Variants in DOCK5 observed in about 807,000 individuals in gnomAD.
DOCK5 encodes the protein dedicator of cytokinesis protein 5.
A neutral mutation model predicts 251.8 loss-of-function variants in DOCK5; 142 were observed. That is an observed-to-expected ratio of 0.56 (90% CI 0.49 to 0.65). DOCK5 has a LOEUF of 0.65. DOCK5 is among the 30% of genes least tolerant of loss of function. The probability of loss-of-function intolerance (pLI) is 0.00; values close to 1 mark genes in which losing one functional copy is unlikely to be tolerated. For synonymous variants in DOCK5, 842 were observed against 835.5 expected, an observed-to-expected ratio of 1.01 and a Z score of -0.13; for missense variants, 2,111 against 2,312.3, an observed-to-expected ratio of 0.91 and a Z score of 1.79.
At chr8:25,198,397 C>G (rs986475357) in intron 1 of DOCK5, among the ~76,000 whole-genome samples, 14 of 152,022 alleles carry the variant, frequency 9.2e-5, no homozygotes, top group Non-Finnish European at 8.8e-5. Flanking sequence ...CATGGTGAAA[C>G]CCCATCTCGA....
chr8:25,186,132 G>C (rs1801425407), intron 1 of DOCK5, among the ~76,000 whole-genome samples: 1 of 152,090 alleles, frequency 6.6e-6, no homozygotes, highest in Admixed American at 6.5e-5. Flanking sequence ...CTGTAGCCAG[G>C]AGTCAGGGTT....
chr8:25,205,014 G>A (rs1042707004), intron 1 of DOCK5, among the ~76,000 whole-genome samples: 3 of 138,000 alleles, frequency 2.2e-5, no homozygotes, highest in Non-Finnish European at 4.8e-5. Context: ...CCCTCATGAG[G>A]GGATTAGTGC....
chr8:25,344,904 C>T (rs1800329992), intron 25 of DOCK5, among the ~76,000 whole-genome samples: 1 of 152,088 alleles, frequency 6.6e-6, no homozygotes, highest in South Asian at 2.1e-4. Context: ...ATTCAGAGTA[C>T]CTGAACTCAT....
rs185036758 is a variant in DOCK5, at chr8:25,382,671, C to T, written c.4027-3C>T. On this transcript the variant is annotated splice_polypyrimidine_tract_variant and splice_region_variant and intron_variant, in intron 39 of 51. Coordinates refer to ENST00000276440, the MANE Select transcript of DOCK5 (RefSeq NM_024940.8). Reference sequence around the variant, plus strand: ...CCTTGGAATGTCTTGTTTTGTTTTCCAGAAAAAAAGGGCCTCATTTTATGA... The same window carrying T: ...CCTTGGAATGTCTTGTTTTGTTTTCTAGAAAAAAAGGGCCTCATTTTATGA... 4,656 of 1,603,064 alleles carry T rather than the reference C, an allele frequency of 2.9e-3. 9 individuals carry two copies. The highest frequency in any genetic ancestry group is 3.7e-3 in the Non-Finnish European group (4,376 of 1,174,800).
At chr8:25,368,533 A>G in intron 32 of DOCK5, 38 bp from the exon 33 acceptor site, 1 of 1,563,578 alleles carries the variant, frequency 6.4e-7, no homozygotes, top group Non-Finnish European at 8.6e-7. Flanking sequence ...ACTTTCAGTG[A>G]AATAATTTTT....
chr8:25,294,214 T>C (rs1804562663), intron 6 of DOCK5, among the ~76,000 whole-genome samples: 1 of 152,156 alleles, frequency 6.6e-6, no homozygotes, highest in South Asian at 2.1e-4. Context: ...GGAGCTGCTG[T>C]GTCAGTGCCT....
At chr8:25,249,539 G>A (rs1371448037) in intron 2 of DOCK5, among the ~76,000 whole-genome samples, 2 of 152,144 alleles carry the variant, frequency 1.3e-5, no homozygotes, top group Non-Finnish European at 2.9e-5. Context: ...CATGTAAGTG[G>A]AATCACATAA....
At position 25,268,855 on chromosome 8, in the gene DOCK5, A is replaced by T. The variant is rs1254502514; in HGVS notation, c.138A>T (p.Arg46Ser). The T allele has an allele frequency of 1.3e-6, 2 of 1,566,548 alleles. No individual in the cohort carries two copies. Among genetic ancestry groups the T allele is most frequent in the African/African-American group, 2.7e-5 (2 of 73,010 alleles). Residue 46 changes from arginine to serine, a missense_variant, in exon 3 of 52, where the codon AGA (arginine) becomes AGT (serine). Around this residue, in one of 3 missense-constraint regions of DOCK5, gnomAD observed 335 missense variants for 324.9 expected, o/e 1.03. Coordinates refer to ENST00000276440, the MANE Select transcript of DOCK5 (RefSeq NM_024940.8). ...CTTTTGCTCTGACAGGTTGGTACAG[A>T]GGATATACCCTCCAAAATAAATCTA... ...HILEMYEGWY[R>S]GYTLQNKSKK...
chr8:25,276,508 C>T (rs905335805), intron 4 of DOCK5, among the ~76,000 whole-genome samples: 4 of 151,872 alleles, frequency 2.6e-5, no homozygotes, highest in Admixed American at 6.6e-5. Context: ...GGAGGCAGTA[C>T]GGAGAGGCTG....
At chr8:25,298,197 G>C (rs1191239657) in intron 7 of DOCK5, among the ~76,000 whole-genome samples, 2 of 151,230 alleles carry the variant, frequency 1.3e-5, no homozygotes. Context: ...TTGTTGGTTT[G>C]TAGTGTTTAC....
rs375420282 is a variant in DOCK5 at position 25,412,958 on chromosome 8, C to G, written c.*1660C>G. ...TGTGGAAAAGGTGATCCTTTACCCC[C>G]ACCCAGGAAAACCTGCATTGTGCTA... is the stretch of plus-strand genomic sequence containing the variant. On this transcript the variant is annotated 3_prime_UTR_variant, in exon 52 of 52. Transcript: ENST00000276440. 6.6e-6 allele frequency: 1 copy of G among 152,156 alleles called. No homozygotes were observed. Among genetic ancestry groups the G allele is most frequent in the Non-Finnish European group, 1.5e-5 (1 of 68,028 alleles). 9.4% of individuals were successfully genotyped at this position (152,156 alleles called of 1,614,324 possible).
intron 48 of DOCK5, among the ~76,000 whole-genome samples, chr8:25,407,157 G>A (rs1586402331): frequency 6.6e-6 from 1 of 151,916 alleles, no homozygotes; most frequent in South Asian, 2.1e-4. Flanking sequence ...AACATATTTG[G>A]ACATGTAGCT....
At position 25,194,849 on chromosome 8, in the gene DOCK5, A is replaced by G. The variant is rs552010166; in HGVS notation, c.43+9898A>G. Among the ~76,000 whole-genome samples, 6 of 152,288 alleles carry G rather than the reference A, an allele frequency of 3.9e-5. 1 individual carries two copies. Among genetic ancestry groups the G allele is most frequent in the Admixed American group, 3.9e-4 (6 of 15,298 alleles). On this transcript the variant is annotated intron_variant, in intron 1 of 51. Transcript: ENST00000276440. ...TGTCCTTCCTCCAAAATATGTCCTC[A>G]GATTACTGCTGCTGATGTTTCCATT...
chr8:25,390,844 C>T (rs1165958654), intron 42 of DOCK5, among the ~76,000 whole-genome samples: 2 of 151,702 alleles, frequency 1.3e-5, no homozygotes, highest in Non-Finnish European at 2.9e-5. Flanking sequence ...GAATCTTGCT[C>T]CGTCACCCAG....
chr8:25,197,137 A>G (rs886105817), intron 1 of DOCK5, among the ~76,000 whole-genome samples: 25 of 151,670 alleles, frequency 1.6e-4, no homozygotes, highest in Middle Eastern at 3.2e-3. Context: ...AAAGGACATA[A>G]TAAGCCCTTT....
Position 25,210,064 on chromosome 8 carries a change from G to T in DOCK5, c.43+25113G>T, listed in dbSNP as rs1216142447. 4.0e-4 allele frequency among the ~76,000 whole-genome samples: 10 copies of T among 25,046 alleles called. 3 individuals are homozygous for T. Among genetic ancestry groups the T allele is most frequent in the African/African-American group, 7.7e-4 (6 of 7,800 alleles). The allele number at this position is 25,046 out of a possible 152,430, so 16.4% of individuals were successfully genotyped here. The stretch of plus-strand genomic sequence containing the variant: ...TGTGTGTGTGTGTGTGTGTGTGTGT[G>T]TGTGTATCTGTCTATTTATCTATCT... On this transcript the variant is annotated intron_variant, in intron 1 of 51. Coordinates refer to ENST00000276440, the MANE Select transcript of DOCK5 (RefSeq NM_024940.8).
chr8:25,244,656 A>C (rs1376272987), intron 2 of DOCK5, among the ~76,000 whole-genome samples: 4 of 152,234 alleles, frequency 2.6e-5, no homozygotes, highest in Admixed American at 6.5e-5. Context: ...GACCCCGTGC[A>C]GGTTCCTAGG....
Position 25,410,166 on chromosome 8 carries a change from C to A in DOCK5, c.5472C>A (p.Ser1824Arg), listed in dbSNP as rs1251889632. The A allele has an allele frequency of 1.2e-6, 2 of 1,613,602 alleles. No homozygotes were observed. Among genetic ancestry groups the A allele is most frequent in the Admixed American group, 3.3e-5 (2 of 59,970 alleles). ...TCCCACCTCCACCTCCCCCCAAAAGCAAGCCCTATGAAGGCAGCCAGAGGA... is the reference window on the plus strand; with the variant it reads ...TCCCACCTCCACCTCCCCCCAAAAGAAAGCCCTATGAAGGCAGCCAGAGGA... The part of the protein sequence containing the change: ...TPVPPPPPPK[S>R]KPYEGSQRNS... The change falls in exon 51 of 52, where the codon AGC becomes AGA. Residue 1824 changes from serine (S) to arginine (R), a missense_variant. Around this residue, in one of 3 missense-constraint regions of DOCK5, gnomAD observed 1,717 missense variants for 1,892.4 expected, o/e 0.91. Transcript: ENST00000276440.
intron 2 of DOCK5, among the ~76,000 whole-genome samples, chr8:25,263,056 A>G (rs1022015305): frequency 1.3e-5 from 2 of 151,974 alleles, no homozygotes; most frequent in South Asian, 4.1e-4. Context: ...ATGTTTTTCT[A>G]GAGCTAATTC....
Sources: allele counts gnomAD v4.1 joint callset (sites outside exome capture counted in the v4.1 genomes callset), GRCh38; gene constraint gnomAD v4.1.1; regional missense constraint gnomAD v4.1.1; transcripts MANE v1.5; gene names NCBI Gene and HGNC (gene_info 2026-07-23, HGNC 2026-07-21).